ATRN: variants seen among roughly 807,000 people sequenced by gnomAD.
ATRN encodes the protein attractin, also known as attractin-2.
A neutral mutation model predicts 178.7 loss-of-function variants in ATRN; 54 were observed. That is an observed-to-expected ratio of 0.30 (90% CI 0.24 to 0.38). The LOEUF is 0.38. Ranked by LOEUF, ATRN falls within the 10% of genes least tolerant of loss-of-function variation. The pLI, the probability that ATRN is intolerant of heterozygous loss-of-function variation, is 1.00. For missense variants in ATRN, 1,443 were observed against 1,815.1 expected (o/e 0.79, Z 3.73); for synonymous variants, 636 against 663.0 (o/e 0.96, Z 0.63).
At chr20:3,511,976 G>A (rs183592972) in intron 1 of ATRN, among the ~76,000 whole-genome samples, 2,497 of 146,524 alleles carry the variant, frequency 0.017, 73 homozygotes, top group African/African-American at 0.059. Context: ...TTATGCTTCT[G>A]TTTTTGTGAG....
chr20:3,590,504 C>A (rs1305634832), intron 18 of ATRN, among the ~76,000 whole-genome samples: 1 of 152,142 alleles, frequency 6.6e-6, no homozygotes, highest in African/African-American at 2.4e-5. Context: ...GCTTCATATA[C>A]CTTTCTAGTT....
intron 10 of ATRN, among the ~76,000 whole-genome samples, chr20:3,564,781 C>G (rs942398907): frequency 6.6e-6 from 1 of 152,062 alleles, no homozygotes; most frequent in African/African-American, 2.4e-5. Context: ...AAAAAACATT[C>G]TTGGCTGGGC....
intron 2 of ATRN, among the ~76,000 whole-genome samples, chr20:3,535,932 G>A (rs1484325078): frequency 1.3e-5 from 2 of 151,822 alleles, no homozygotes; most frequent in Admixed American, 6.6e-5. Flanking sequence ...GCCCAGCCAC[G>A]GTTCCATATT....
chr20:3,598,990 A>G (rs1207491542), intron 22 of ATRN, among the ~76,000 whole-genome samples: 2 of 152,246 alleles, frequency 1.3e-5, no homozygotes, highest in Non-Finnish European at 2.9e-5. Flanking sequence ...AACAAAGTCT[A>G]TAGTGTGGTA....
rs202102998 is a variant in ATRN, at chr20:3,497,719, A to G, written c.410+26202A>G. ...TCTGAATGTTGGCCTGCCTTGCTAG[A>G]TTGGGGAAGTTCTCCTGGATAATAT... On this transcript the variant is annotated intron_variant, in intron 1 of 28. Transcript: ENST00000262919. Among the ~76,000 whole-genome samples, 518 of 152,168 alleles carry G rather than the reference A, an allele frequency of 3.4e-3. 17 individuals carry two copies. In the East Asian group the frequency reaches 0.089, roughly 26 times the overall value.
chr20:3,499,730 C>G (rs1464413378), intron 1 of ATRN, among the ~76,000 whole-genome samples: 17 of 149,858 alleles, frequency 1.1e-4, no homozygotes, highest in Non-Finnish European at 1.8e-4. Context: ...CCATAAAAAC[C>G]CTAGAAGAAA....
At chr20:3,538,992 T>G (rs958079028) in intron 2 of ATRN, among the ~76,000 whole-genome samples, 27 of 152,194 alleles carry the variant, frequency 1.8e-4, no homozygotes, top group African/African-American at 6.3e-4. Flanking sequence ...CATTCTCACA[T>G]CTCCAAAGCT....
intron 3 of ATRN, among the ~76,000 whole-genome samples, chr20:3,541,268 G>A (rs914801305): frequency 1.2e-4 from 18 of 151,556 alleles, no homozygotes; most frequent in African/African-American, 2.7e-4. Context: ...TAGTAGAGAC[G>A]GGGTTTCACC....
intron 25 of ATRN, among the ~76,000 whole-genome samples, chr20:3,633,020 C>T (rs1267890174): frequency 6.6e-6 from 1 of 152,164 alleles, no homozygotes; most frequent in Non-Finnish European, 1.5e-5. Flanking sequence ...GTCCAAGCTA[C>T]TCAGGAGGCT....
At chr20:3,613,075 G>A (rs2086788561) in intron 24 of ATRN, among the ~76,000 whole-genome samples, 1 of 152,162 alleles carries the variant, frequency 6.6e-6, no homozygotes, top group Admixed American at 6.5e-5. Flanking sequence ...TAATCAAGGA[G>A]ATGTTGATTT....
At chr20:3,568,092 T>C (rs1415171718) in intron 11 of ATRN, among the ~76,000 whole-genome samples, 2 of 150,360 alleles carry the variant, frequency 1.3e-5, no homozygotes, top group Non-Finnish European at 3.0e-5. Flanking sequence ...AGATCAAGAC[T>C]ATCCTGGCTA....
chr20:3,580,844 G>T (rs1017492749), intron 15 of ATRN, among the ~76,000 whole-genome samples: 1 of 152,200 alleles, frequency 6.6e-6, no homozygotes, highest in African/African-American at 2.4e-5. Flanking sequence ...TGAAGGCAAA[G>T]AAATTATTGA....
At chr20:3,592,616 A>G in intron 19 of ATRN, 1 of 462,064 alleles carries the variant, frequency 2.2e-6, no homozygotes, top group Non-Finnish European at 2.8e-6. Context: ...TAAACAACAT[A>G]GGGAAATCTC....
At chr20:3,573,105 ATTGGT>A (rs2086151161) in intron 12 of ATRN, among the ~76,000 whole-genome samples, 154 bp downstream of exon 12, 1 of 152,144 alleles carries the variant, frequency 6.6e-6, no homozygotes, top group Non-Finnish European at 1.5e-5. Context: ...ATATTTGATA[ATTGGT>A]TTGTAAACAT....
chr20:3,475,980 A>T (rs2084523850), intron 1 of ATRN, among the ~76,000 whole-genome samples: 1 of 152,182 alleles, frequency 6.6e-6, no homozygotes. Flanking sequence ...GCTCCTCACT[A>T]CCAAAAAAAA....
intron 23 of ATRN, 101 bp from the exon 24 acceptor site, chr20:3,604,004 T>C (rs1272854299): frequency 3.2e-5 from 32 of 988,988 alleles, no homozygotes; most frequent in Non-Finnish European, 4.3e-5. Context: ...CAGGAAATGT[T>C]TGATAAATGC....
At chr20:3,514,815 G>T (rs1490201799) in intron 1 of ATRN, among the ~76,000 whole-genome samples, 1 of 152,036 alleles carries the variant, frequency 6.6e-6, no homozygotes, top group Non-Finnish European at 1.5e-5. Context: ...AAATTATCCA[G>T]GCATGGTGGT....
chr20:3,641,671 A>G (rs1415373939), intron 27 of ATRN, among the ~76,000 whole-genome samples: 2 of 151,618 alleles, frequency 1.3e-5, no homozygotes, highest in Non-Finnish European at 2.9e-5. Flanking sequence ...CTCAGAAGTC[A>G]GAAGAGAGTG....
At chr20:3,604,383 G>A (rs552080644) in intron 24 of ATRN, 121 bp downstream of exon 24, 8 of 1,156,270 alleles carry the variant, frequency 6.9e-6, no homozygotes, top group East Asian at 2.5e-5. Flanking sequence ...CCTTTGTAAC[G>A]TGTATGGCAG....
Sources: allele counts gnomAD v4.1 joint callset (sites outside exome capture counted in the v4.1 genomes callset), GRCh38; gene constraint gnomAD v4.1.1; transcripts MANE v1.5; gene names NCBI Gene and HGNC (gene_info 2026-07-23, HGNC 2026-07-21).